Variants in PDE10A observed in about 807,000 individuals in gnomAD.
PDE10A encodes the protein cAMP and cAMP-inhibited cGMP 3',5'-cyclic phosphodiesterase 10A.
PDE10A carries 39 observed loss-of-function variants against 97.7 expected under a neutral mutation model. The observed-to-expected ratio is 0.40, with a 90% CI of 0.31 to 0.52. The LOEUF (loss-of-function observed/expected upper bound fraction) is 0.52. Among genes scored for constraint, PDE10A ranks in the 20% least tolerant of loss-of-function variants. The pLI is 0.56. For missense variants in PDE10A, 731 were observed against 1,047.8 expected (o/e 0.70, Z 4.17); for synonymous variants, 371 against 376.8 (o/e 0.98, Z 0.18).
At chr6:165,730,550 G>C (rs557890462) in intron 1 of PDE10A, among the ~76,000 whole-genome samples, 2 of 151,710 alleles carry the variant, frequency 1.3e-5, no homozygotes, top group East Asian at 1.9e-4. Context: ...TCAGGGGTTC[G>C]AGACCAGCCT....
At chr6:165,720,922 G>A (rs776129521) in intron 1 of PDE10A, among the ~76,000 whole-genome samples, 1 of 152,204 alleles carries the variant, frequency 6.6e-6, no homozygotes, top group Non-Finnish European at 1.5e-5. Flanking sequence ...TCCATTGATC[G>A]TGCCCAAGAG....
chr6:165,927,647 CATATATATATATAT>C lies in PDE10A; in HGVS notation c.-615+59868_-615+59881del, dbSNP rs71029572. On this transcript the variant is annotated intron_variant, in intron 1 of 19. Coordinates refer to the PDE10A transcript ENST00000366882. ...ATGAATATTATTAACATGAGAATGA[CATATATATATATAT>C]ATATATATATATATATAGTTTTTTG... Among the ~76,000 whole-genome samples the C allele has an allele frequency of 6.0e-3, 438 of 73,236 alleles. 6 individuals carry two copies. Among genetic ancestry groups the C allele is most frequent in the African/African-American group, 0.023 (387 of 17,132 alleles). The allele number at this position is 73,236 out of a possible 152,430, so 48.0% of individuals were successfully genotyped here. A position where few individuals can be genotyped will look rare whatever the true frequency, so the allele number is the denominator to read the frequency against.
At chr6:165,700,407 C>G (rs544068414) in intron 1 of PDE10A, among the ~76,000 whole-genome samples, 7 of 152,254 alleles carry the variant, frequency 4.6e-5, no homozygotes, top group African/African-American at 1.7e-4. Context: ...TTGCATATAT[C>G]CATGAATATG....
chr6:165,833,617 G>GA (rs1307629307), intron 1 of PDE10A, among the ~76,000 whole-genome samples: 1 of 152,256 alleles, frequency 6.6e-6, no homozygotes, highest in African/African-American at 2.4e-5. Flanking sequence ...CCTTCAGCAT[G>GA]AGGGGGGCCC....
At chr6:165,985,662 G>A (rs562195571) in intron 1 of PDE10A, among the ~76,000 whole-genome samples, 1 of 152,270 alleles carries the variant, frequency 6.6e-6, no homozygotes, top group Admixed American at 6.5e-5. Context: ...GGAGCCCGAG[G>A]GGGATCTCAC....
chr6:165,750,479 C>A lies in PDE10A; in HGVS notation c.-614-206911G>T, dbSNP rs183466149. Among the ~76,000 whole-genome samples, 189 of 152,296 alleles carry A rather than the reference C, an allele frequency of 1.2e-3. 3 individuals carry two copies. The highest frequency in any genetic ancestry group is 0.011 in the Admixed American group (165 of 15,304). ...GCTGCCCAGCACCCCCAGGATCTCC[C>A]ACCTGAGACAAGCACATTGACACTA... On this transcript the variant is annotated intron_variant, in intron 1 of 19. Coordinates refer to the PDE10A transcript ENST00000366882.
chr6:165,915,351 A>C (rs1157554638), intron 1 of PDE10A, among the ~76,000 whole-genome samples: 1 of 152,230 alleles, frequency 6.6e-6, no homozygotes, highest in African/African-American at 2.4e-5. Flanking sequence ...TAAACCAAAA[A>C]ATAAAATAAA....
chr6:165,396,780 TTTA>T (rs1786202005), intron 13 of PDE10A, among the ~76,000 whole-genome samples: 1 of 152,164 alleles, frequency 6.6e-6, no homozygotes, highest in Admixed American at 6.6e-5. Context: ...TTAAACACAT[TTTA>T]TTATCAGAAA....
At chr6:165,955,159 C>CA (rs1270226459) in intron 1 of PDE10A, among the ~76,000 whole-genome samples, 1 of 152,140 alleles carries the variant, frequency 6.6e-6, no homozygotes, top group Non-Finnish European at 1.5e-5. Flanking sequence ...GGCTCGCACT[C>CA]ACCTTGGGGC....
chr6:165,986,551 C>CTCTG (rs1330474599), intron 1 of PDE10A: 1 of 151,772 alleles, frequency 6.6e-6, no homozygotes, highest in African/African-American at 2.4e-5. Flanking sequence ...CTCTGCCTCT[C>CTCTG]CCTCTCCCTC....
chr6:165,545,785 G>C (rs893963021), intron 1 of PDE10A, among the ~76,000 whole-genome samples: 1 of 151,932 alleles, frequency 6.6e-6, no homozygotes, highest in Non-Finnish European at 1.5e-5. Context: ...TGGATGCAAA[G>C]CAACAAAAAT....
intron 1 of PDE10A, among the ~76,000 whole-genome samples, chr6:165,648,983 G>A (rs534250604): frequency 6.6e-6 from 1 of 152,152 alleles, no homozygotes; most frequent in African/African-American, 2.4e-5. Context: ...CCCAGAAAAA[G>A]AGAGCAATCG....
At chr6:165,843,617 C>T (rs1339480247) in intron 1 of PDE10A, among the ~76,000 whole-genome samples, 3 of 152,134 alleles carry the variant, frequency 2.0e-5, no homozygotes, top group Admixed American at 1.3e-4. Context: ...CCCACCCCAT[C>T]CCTGAGGGCA....
At chr6:165,749,722 A>T (rs934806319) in intron 1 of PDE10A, among the ~76,000 whole-genome samples, 1 of 152,244 alleles carries the variant, frequency 6.6e-6, no homozygotes, top group African/African-American at 2.4e-5. Context: ...TGGTATATGA[A>T]AAACTATTTC....
chr6:165,963,199 A>G (rs926069086), intron 1 of PDE10A, among the ~76,000 whole-genome samples: 1 of 152,200 alleles, frequency 6.6e-6, no homozygotes, highest in Non-Finnish European at 1.5e-5. Context: ...ACATACACAT[A>G]TACACACTTA....
At chr6:165,979,791 G>C (rs540235561) in intron 1 of PDE10A, among the ~76,000 whole-genome samples, 6 of 152,302 alleles carry the variant, frequency 3.9e-5, no homozygotes, top group African/African-American at 1.4e-4. Flanking sequence ...ATGTGCGAAA[G>C]TCACGACACT....
chr6:165,552,394 C>T (rs1301003372), intron 1 of PDE10A, among the ~76,000 whole-genome samples: 1 of 152,208 alleles, frequency 6.6e-6, no homozygotes, highest in East Asian at 1.9e-4. Flanking sequence ...TCCCAGTCAA[C>T]AGTTAACTAA....
At chr6:165,431,982 T>G (rs1182598566) in intron 7 of PDE10A, among the ~76,000 whole-genome samples, 1 of 152,158 alleles carries the variant, frequency 6.6e-6, no homozygotes, top group Non-Finnish European at 1.5e-5. Context: ...CATACACATA[T>G]ATTTATACAC....
intron 2 of PDE10A, among the ~76,000 whole-genome samples, chr6:165,522,250 C>T (rs1782171576): frequency 6.6e-6 from 1 of 152,016 alleles, no homozygotes; most frequent in Non-Finnish European, 1.5e-5. Flanking sequence ...CCTAGTGAAA[C>T]AACTCCAAAA....
Sources: gnomAD v4.1 joint callset for allele counts (sites outside exome capture counted in the v4.1 genomes callset) on GRCh38, gnomAD v4.1.1 for gene constraint, MANE v1.5 for transcripts, NCBI Gene and HGNC (gene_info 2026-07-23, HGNC 2026-07-21) for gene names.